Variants in HS6ST2 observed in about 807,000 individuals in gnomAD.
HS6ST2 encodes heparan-sulfate 6-O-sulfotransferase 2.
Under a neutral mutation model 33.0 loss-of-function variants are expected in HS6ST2, and 17 were observed. That is an observed-to-expected ratio of 0.52 (90% confidence interval 0.35 to 0.77). HS6ST2 has a LOEUF of 0.77. Ranked by LOEUF, HS6ST2 falls within the 30% of genes least tolerant of loss-of-function variation. The pLI is 0.01. For missense variants in HS6ST2, 519 were observed against 551.7 expected (o/e 0.94, Z 0.59); for synonymous variants, 248 against 237.1 (o/e 1.05, Z -0.42).
rs1371595529 is a variant in HS6ST2, at chrX:132,819,040, T to TG, written c.948-110547_948-110546insC. Reference sequence around the variant, plus strand: ...GTCCCAGGCTGCATTAATTTTTATGTTTTTTTTTTCTAAACTCAACTCTAC... The same window carrying TG: ...GTCCCAGGCTGCATTAATTTTTATGTGTTTTTTTTTCTAAACTCAACTCTAC... On this transcript the variant is annotated intron_variant, in intron 2 of 4. Transcript: ENST00000370833. Among the ~76,000 whole-genome samples the TG allele has an allele frequency of 1.0e-4, 11 of 107,329 alleles. No homozygotes were observed. In the East Asian group the frequency reaches 3.2e-3, roughly 31 times the overall value. The allele number at this position is 107,329 out of a possible 115,157, so 93.2% of individuals were successfully genotyped here. A position where few individuals can be genotyped will look rare whatever the true frequency, so the allele number is the denominator to read the frequency against.
chrX:132,662,910 G>T (rs1238013450), intron 4 of HS6ST2, among the ~76,000 whole-genome samples: 1 of 112,069 alleles, frequency 8.9e-6, no homozygotes, highest in Non-Finnish European at 1.9e-5. Context: ...GAAAAACTGA[G>T]CCAAACAGAG....
chrX:132,871,519 T>C (rs2066056840), intron 2 of HS6ST2, among the ~76,000 whole-genome samples: 1 of 111,888 alleles, frequency 8.9e-6, no homozygotes, highest in Non-Finnish European at 1.9e-5. Flanking sequence ...AGCAAAGTTT[T>C]GGAACCAACC....
chrX:132,746,209 T>C (rs2064639882), intron 2 of HS6ST2, among the ~76,000 whole-genome samples: 1 of 110,716 alleles, frequency 9.0e-6, no homozygotes, highest in African/African-American at 3.3e-5. Context: ...GTTAATGTGG[T>C]TTTTGCCATT....
chrX:132,829,404 G>C (rs1436541570), intron 2 of HS6ST2, among the ~76,000 whole-genome samples: 2 of 108,223 alleles, frequency 1.8e-5, no homozygotes, highest in African/African-American at 3.4e-5. Context: ...ATGTATGTAT[G>C]TATCTATCTG....
At chrX:132,683,794 G>T (rs2063993756) in intron 3 of HS6ST2, among the ~76,000 whole-genome samples, 1 of 111,097 alleles carries the variant, frequency 9.0e-6, no homozygotes, top group Middle Eastern at 4.6e-3. Flanking sequence ...CAAGTAGCAT[G>T]GGCCAGGAAG....
chrX:132,805,145 C>G (rs913661086), intron 2 of HS6ST2, among the ~76,000 whole-genome samples: 1 of 111,335 alleles, frequency 9.0e-6, no homozygotes, highest in Non-Finnish European at 1.9e-5. Context: ...GGGTGTGAGT[C>G]AAGACTGTTT....
intron 4 of HS6ST2, among the ~76,000 whole-genome samples, chrX:132,656,067 G>A (rs1186529146): frequency 9.1e-6 from 1 of 110,421 alleles, no homozygotes; most frequent in East Asian, 2.8e-4. Context: ...CTTGAGAGCA[G>A]ATGCCAGTCG....
chrX:132,681,437 G>A (rs183940899), intron 3 of HS6ST2, among the ~76,000 whole-genome samples: 59 of 111,403 alleles, frequency 5.3e-4, no homozygotes, highest in African/African-American at 1.8e-3. Flanking sequence ...GAAATGGGTC[G>A]TTTTGCTCTC....
intron 3 of HS6ST2, among the ~76,000 whole-genome samples, chrX:132,676,437 G>C (rs1172678631): frequency 8.9e-6 from 1 of 112,365 alleles, no homozygotes. Context: ...GCCTATGCTT[G>C]GGAAAGTTAG....
At chrX:132,909,913 C>T (rs1402455383) in intron 2 of HS6ST2, among the ~76,000 whole-genome samples, 1 of 110,786 alleles carries the variant, frequency 9.0e-6, no homozygotes, top group Non-Finnish European at 1.9e-5. Context: ...GATAGTATTT[C>T]GTGCATCATA....
At chrX:132,786,707 C>T (rs1216450539) in intron 2 of HS6ST2, among the ~76,000 whole-genome samples, 11 of 109,089 alleles carry the variant, frequency 1.0e-4, no homozygotes, top group South Asian at 4.2e-4. Flanking sequence ...CTGCAACCTC[C>T]GGCTCCCGGT....
rs1431232531 is a variant in HS6ST2, at chrX:132,781,752, T to C, written c.948-73258A>G. On this transcript the variant is annotated intron_variant, in intron 2 of 4. Coordinates refer to ENST00000370833, the MANE Select transcript of HS6ST2 (RefSeq NM_001394073.1). ...CACAGGCAGGGGAAACTGCTACTTATAAAACCATCCGATCTCATGAGAACT... is the reference window on the plus strand; with the variant it reads ...CACAGGCAGGGGAAACTGCTACTTACAAAACCATCCGATCTCATGAGAACT... Among the ~76,000 whole-genome samples, 3 of 111,520 alleles carry C rather than the reference T, an allele frequency of 2.7e-5. No individual in the cohort carries two copies. In the East Asian group the frequency reaches 8.5e-4, roughly 31 times the overall value.
At chrX:132,718,342 ATTC>A (rs2064296632) in intron 2 of HS6ST2, among the ~76,000 whole-genome samples, 1 of 111,867 alleles carries the variant, frequency 8.9e-6, no homozygotes, top group South Asian at 3.8e-4. Flanking sequence ...GGTAGGCGGC[ATTC>A]TTCTCACTTT....
chrX:132,725,970 C>T (rs1309278776), intron 2 of HS6ST2, among the ~76,000 whole-genome samples: 2 of 108,682 alleles, frequency 1.8e-5, no homozygotes, highest in Non-Finnish European at 3.8e-5. Flanking sequence ...AACAATTGAA[C>T]TCATAAAGAT....
At chrX:132,759,831 C>T (rs1258673010) in intron 2 of HS6ST2, among the ~76,000 whole-genome samples, 1 of 111,832 alleles carries the variant, frequency 8.9e-6, no homozygotes, top group African/African-American at 3.3e-5. Flanking sequence ...TAATAGCAAA[C>T]ATTTATTGAT....
At chrX:132,641,137 T>G (rs902653323) in intron 4 of HS6ST2, among the ~76,000 whole-genome samples, 2 of 112,161 alleles carry the variant, frequency 1.8e-5, no homozygotes, top group Admixed American at 1.9e-4. Flanking sequence ...ATACTTGGAT[T>G]TTTGTTTTTG....
At chrX:132,689,968 T>C (rs1314506705) in intron 3 of HS6ST2, among the ~76,000 whole-genome samples, 1 of 111,578 alleles carries the variant, frequency 9.0e-6, no homozygotes, top group Non-Finnish European at 1.9e-5. Flanking sequence ...TCTTCCAATG[T>C]GACCCAGGGA....
intron 2 of HS6ST2, among the ~76,000 whole-genome samples, chrX:132,739,622 C>T (rs1236240297): frequency 9.4e-6 from 1 of 106,098 alleles, no homozygotes; most frequent in African/African-American, 3.5e-5. Flanking sequence ...GGCTGAGGCA[C>T]GATAATTGCT....
chrX:132,745,387 G>A (rs192786655), intron 2 of HS6ST2, among the ~76,000 whole-genome samples: 11 of 111,950 alleles, frequency 9.8e-5, no homozygotes, highest in African/African-American at 3.2e-4. Flanking sequence ...GCCCAGCCCC[G>A]ATAGTTTTTT....
Sources: allele counts gnomAD v4.1 joint callset (sites outside exome capture counted in the v4.1 genomes callset), GRCh38; gene constraint gnomAD v4.1.1; transcripts MANE v1.5; gene names NCBI Gene and HGNC (gene_info 2026-07-23, HGNC 2026-07-21).